WIPF1: variants seen among roughly 807,000 people sequenced by gnomAD.
The protein encoded by WIPF1 is WAS/WASL interacting protein family member 1.
In WIPF1, 13 loss-of-function variants were observed where a neutral mutation model predicts 35.4. That is an observed-to-expected ratio of 0.37 (90% CI 0.24 to 0.58). The LOEUF (loss-of-function observed/expected upper bound fraction) is 0.58, where lower values mean the gene tolerates loss of function less well. Among genes scored for constraint, WIPF1 ranks in the 20% least tolerant of loss-of-function variants. The probability of loss-of-function intolerance (pLI) is 0.74; values close to 1 mark genes in which losing one functional copy is unlikely to be tolerated. For missense variants in WIPF1, 591 were observed against 667.0 expected (o/e 0.89, Z 1.25); for synonymous variants, 267 against 266.3 (o/e 1.00, Z -0.02).
intron 1 of WIPF1, among the ~76,000 whole-genome samples, chr2:174,653,759 A>AG (rs1553536330): frequency 2.1e-4 from 32 of 151,646 alleles, no homozygotes; most frequent in African/African-American, 6.1e-4. Context: ...AAAAAAAAAA[A>AG]AAAGAAACAG....
At chr2:174,657,367 A>G (rs985091774) in intron 1 of WIPF1, among the ~76,000 whole-genome samples, 2 of 152,236 alleles carry the variant, frequency 1.3e-5, no homozygotes, top group Admixed American at 6.5e-5. Context: ...ACCTACCTCC[A>G]ATTAATAAAT....
intron 1 of WIPF1, among the ~76,000 whole-genome samples, chr2:174,621,808 A>G (rs2105916338): frequency 6.6e-6 from 1 of 152,330 alleles, no homozygotes; most frequent in Non-Finnish European, 1.5e-5. Context: ...GGCCATCTCA[A>G]TTTGGACTAG....
intron 1 of WIPF1, among the ~76,000 whole-genome samples, chr2:174,647,199 C>T (rs1687428752): frequency 6.6e-6 from 1 of 152,026 alleles, no homozygotes; most frequent in African/African-American, 2.4e-5. Flanking sequence ...GAGCGACATC[C>T]TGTCTCCAAA....
chr2:174,596,430 C>G (rs1685825204), intron 1 of WIPF1, among the ~76,000 whole-genome samples: 1 of 152,162 alleles, frequency 6.6e-6, no homozygotes, highest in Non-Finnish European at 1.5e-5. Flanking sequence ...AGATCAACCT[C>G]AAAACCTTTT....
At chr2:174,588,690 G>A (rs1402388235) in intron 1 of WIPF1, among the ~76,000 whole-genome samples, 1 of 152,148 alleles carries the variant, frequency 6.6e-6, no homozygotes, top group African/African-American at 2.4e-5. Flanking sequence ...CCAGAGCCAA[G>A]GCCAGATTGC....
intron 1 of WIPF1, among the ~76,000 whole-genome samples, chr2:174,667,419 G>A (rs1225283024): frequency 2.0e-5 from 3 of 152,058 alleles, no homozygotes; most frequent in African/African-American, 2.4e-5. Context: ...CTCCACCCCC[G>A]TCCCTGGGCT....
At chr2:174,564,851 A>ACACACG (rs1351955028) in intron 7 of WIPF1, among the ~76,000 whole-genome samples, 1 of 136,944 alleles carries the variant, frequency 7.3e-6, no homozygotes, top group East Asian at 2.4e-4. Flanking sequence ...ACACACACAC[A>ACACACG]CCATTCAAAG....
At chr2:174,678,244 C>A (rs1339995459) in intron 1 of WIPF1, among the ~76,000 whole-genome samples, 3 of 152,048 alleles carry the variant, frequency 2.0e-5, no homozygotes, top group Non-Finnish European at 4.4e-5. Context: ...GGAAAGATGG[C>A]TTATTAGAAG....
chr2:174,568,450 A>T (rs923620328), intron 5 of WIPF1, among the ~76,000 whole-genome samples: 5 of 152,346 alleles, frequency 3.3e-5, no homozygotes, highest in African/African-American at 7.2e-5. Flanking sequence ...TGATGAAAGA[A>T]TTTTTTTAAA....
chr2:174,653,878 C>G (rs771104246), intron 1 of WIPF1, among the ~76,000 whole-genome samples: 2 of 152,200 alleles, frequency 1.3e-5, no homozygotes, highest in East Asian at 3.9e-4. Context: ...GATCACCTGA[C>G]ATAAAACCAT....
chr2:174,669,541 A>T (rs917998862), intron 1 of WIPF1, among the ~76,000 whole-genome samples: 4 of 152,210 alleles, frequency 2.6e-5, no homozygotes, highest in African/African-American at 9.7e-5. Context: ...GCTATCAAGT[A>T]GTTCACAATC....
intron 1 of WIPF1, among the ~76,000 whole-genome samples, chr2:174,661,605 T>C (rs1687760528): frequency 6.6e-6 from 1 of 152,138 alleles, no homozygotes; most frequent in African/African-American, 2.4e-5. Context: ...CATCAGCCTC[T>C]CTGCTTTTTT....
intron 1 of WIPF1, among the ~76,000 whole-genome samples, chr2:174,615,088 A>G (rs1686467169): frequency 6.6e-6 from 1 of 152,256 alleles, no homozygotes; most frequent in Non-Finnish European, 1.5e-5. Flanking sequence ...GCAGCTTTAA[A>G]AAAGTTTTAA....
intron 1 of WIPF1, among the ~76,000 whole-genome samples, chr2:174,649,385 T>A (rs1009280710): frequency 3.9e-5 from 6 of 152,170 alleles, no homozygotes; most frequent in Non-Finnish European, 7.4e-5. Flanking sequence ...AGGAAAATGC[T>A]TTTGATATGC....
intron 4 of WIPF1, 190 bp downstream of exon 4, chr2:174,575,014 T>C (rs1313182358): frequency 1.2e-6 from 1 of 841,944 alleles, no homozygotes; most frequent in East Asian, 2.4e-5. Flanking sequence ...CATAGTTCTG[T>C]GTAGCTGTCT....
At chr2:174,664,363 A>G (rs111970429) in intron 1 of WIPF1, among the ~76,000 whole-genome samples, 19 of 152,180 alleles carry the variant, frequency 1.2e-4, no homozygotes, top group Non-Finnish European at 2.5e-4. Context: ...CTCAGCCTCA[A>G]TGCCCCCTTA....
intron 1 of WIPF1, chr2:174,665,139 C>T (rs1271982526): frequency 6.6e-6 from 1 of 152,132 alleles, no homozygotes; most frequent in Non-Finnish European, 1.5e-5. Flanking sequence ...GAGGGTATAA[C>T]GCTGCATACA....
chr2:174,681,659 G>A (rs1427977407), intron 1 of WIPF1, among the ~76,000 whole-genome samples: 1 of 152,150 alleles, frequency 6.6e-6, no homozygotes, highest in Non-Finnish European at 1.5e-5. Flanking sequence ...GGAGTCTGGG[G>A]CTACACGCAG....
chr2:174,621,878 T>C (rs1686686811), intron 1 of WIPF1, among the ~76,000 whole-genome samples: 1 of 152,156 alleles, frequency 6.6e-6, no homozygotes, highest in African/African-American at 2.4e-5. Flanking sequence ...CCTACCAGGG[T>C]GATTAGGCAC....
Sources: allele counts gnomAD v4.1 joint callset (sites outside exome capture counted in the v4.1 genomes callset), GRCh38; gene constraint gnomAD v4.1.1; transcripts MANE v1.5; gene names NCBI Gene and HGNC (gene_info 2026-07-23, HGNC 2026-07-21).